PRPSAP2: variants seen among roughly 807,000 people sequenced by gnomAD.
PRPSAP2 encodes phosphoribosyl pyrophosphate synthetase associated protein 2.
A neutral mutation model predicts 40.6 loss-of-function variants in PRPSAP2; 24 were observed. The ratio of observed to expected loss-of-function variants is 0.59; its 90% confidence interval spans 0.43 to 0.83. PRPSAP2 has a LOEUF of 0.83. Among genes scored for constraint, PRPSAP2 ranks in the 40% least tolerant of loss-of-function variants. The pLI is 0.00. For missense variants in PRPSAP2, 292 were observed against 465.6 expected, an observed-to-expected ratio of 0.63 and a Z score of 3.43; for synonymous variants, 149 against 164.7, an observed-to-expected ratio of 0.90 and a Z score of 0.73.
intron 7 of PRPSAP2, among the ~76,000 whole-genome samples, chr17:18,884,321 T>C (rs2038978957): frequency 7.4e-6 from 1 of 135,126 alleles, no homozygotes; most frequent in Non-Finnish European, 1.6e-5. Context: ...TAATAGAGAC[T>C]TTAATTTTAC....
intron 6 of PRPSAP2, among the ~76,000 whole-genome samples, chr17:18,881,392 C>T (rs2038725713): frequency 6.6e-6 from 1 of 151,842 alleles, no homozygotes; most frequent in South Asian, 2.1e-4. Context: ...CACGTGCCAC[C>T]ATGCCTGGCT....
chr17:18,879,963 A>G (rs947751951), intron 6 of PRPSAP2, among the ~76,000 whole-genome samples: 2 of 151,834 alleles, frequency 1.3e-5, no homozygotes, highest in Non-Finnish European at 2.9e-5. Flanking sequence ...GGGTGTGGTG[A>G]CACATGCCTG....
intron 8 of PRPSAP2, among the ~76,000 whole-genome samples, chr17:18,909,360 G>T (rs1378951734): frequency 1.3e-5 from 2 of 150,122 alleles, no homozygotes; most frequent in South Asian, 2.1e-4. Context: ...TCCTGCCTCA[G>T]CCTCCTGAGT....
intron 10 of PRPSAP2, among the ~76,000 whole-genome samples, chr17:18,924,799 A>G (rs1233542490): frequency 6.7e-6 from 1 of 149,212 alleles, no homozygotes; most frequent in Non-Finnish European, 1.5e-5. Context: ...TCATCCTGTC[A>G]TAACATGAGA....
chr17:18,908,398 A>T lies in PRPSAP2; in HGVS notation c.585-2705A>T, dbSNP rs147484391. 205 of 763,602 alleles carry T rather than the reference A, an allele frequency of 2.7e-4. 3 individuals carry two copies. In the Admixed American group the frequency reaches 3.6e-3, roughly 13 times the overall value. 47.3% of individuals were successfully genotyped at this position (763,602 alleles called of 1,614,324 possible). ...AGCAAGAAATTAAAACACTGGAGGA[A>T]GATGAAGAACTTTTAAAAATGCAGA... On this transcript the variant is annotated intron_variant, in intron 8 of 11. Coordinates refer to ENST00000268835, the MANE Select transcript of PRPSAP2 (RefSeq NM_002767.4).
At chr17:18,895,210 T>C (rs1471760491) in intron 8 of PRPSAP2, among the ~76,000 whole-genome samples, 1 of 151,636 alleles carries the variant, frequency 6.6e-6, no homozygotes, top group East Asian at 1.9e-4. Context: ...TTCAGCCTCC[T>C]AAGTAGCTAG....
chr17:18,866,073 A>G, intron 3 of PRPSAP2, 121 bp downstream of exon 3: 37 of 690,428 alleles, frequency 5.4e-5, no homozygotes, highest in Non-Finnish European at 6.9e-5. Context: ...AAATAATTAT[A>G]TCTTTTTTTC....
chr17:18,899,683 C>T (rs570834296), intron 8 of PRPSAP2, among the ~76,000 whole-genome samples: 38 of 151,322 alleles, frequency 2.5e-4, no homozygotes, highest in Middle Eastern at 3.4e-3. Flanking sequence ...TGCATGCCAC[C>T]GTGTCTTGCG....
chr17:18,913,941 C>T (rs1268029433), intron 9 of PRPSAP2, among the ~76,000 whole-genome samples: 3 of 151,038 alleles, frequency 2.0e-5, no homozygotes, highest in African/African-American at 2.4e-5. Flanking sequence ...TTTGGGAGGC[C>T]GAGGCAGGTG....
intron 7 of PRPSAP2, among the ~76,000 whole-genome samples, chr17:18,886,359 C>CTTT (rs772700765): frequency 1.4e-5 from 2 of 143,848 alleles, no homozygotes; most frequent in African/African-American, 2.5e-5. Flanking sequence ...GCCATCTATA[C>CTTT]TTTTTTTTTT....
At chr17:18,883,019 A>G (rs2151910929) in intron 7 of PRPSAP2, among the ~76,000 whole-genome samples, 1 of 152,188 alleles carries the variant, frequency 6.6e-6, no homozygotes, top group South Asian at 2.1e-4. Flanking sequence ...CTGTCCATCC[A>G]GTTATAATAG....
chr17:18,917,281 C>G (rs1283491656), intron 9 of PRPSAP2, among the ~76,000 whole-genome samples: 1 of 151,792 alleles, frequency 6.6e-6, no homozygotes, highest in Non-Finnish European at 1.5e-5. Context: ...TGTGATTAAA[C>G]TCTTTTGTGA....
At chr17:18,920,443 A>C (rs2041630078) in intron 9 of PRPSAP2, among the ~76,000 whole-genome samples, 1 of 152,026 alleles carries the variant, frequency 6.6e-6, no homozygotes, top group Non-Finnish European at 1.5e-5. Flanking sequence ...TTCTATGTTT[A>C]TGTTTTGACT....
chr17:18,883,263 A>G (rs2038890950), intron 7 of PRPSAP2, among the ~76,000 whole-genome samples: 1 of 152,172 alleles, frequency 6.6e-6, no homozygotes, highest in Non-Finnish European at 1.5e-5. Context: ...CCTGGGATAA[A>G]TCAGATGTTT....
rs571156210 is a variant in PRPSAP2, at chr17:18,897,887, A to G, written c.584+8010A>G. Reference sequence around the variant, plus strand: ...TTTATCAGCCTGAGTGAAATATAGAAGTCATACCTCTCTGTGTCTCTTTAC... The same window carrying G: ...TTTATCAGCCTGAGTGAAATATAGAGGTCATACCTCTCTGTGTCTCTTTAC... On this transcript the variant is annotated intron_variant, in intron 8 of 11. Transcript: ENST00000268835. 9.9e-5 allele frequency among the ~76,000 whole-genome samples: 15 copies of G among 152,128 alleles called. No individual in the cohort carries two copies. In the East Asian group the frequency reaches 1.5e-3, roughly 16 times the overall value.
In PRPSAP2 at chr17:18,865,916, A is replaced by G; in HGVS notation, c.83A>G (p.Asn28Ser). 2 of 1,540,796 alleles carry G rather than the reference A, an allele frequency of 1.3e-6. No individual in the cohort carries two copies. Among genetic ancestry groups the G allele is most frequent in the Non-Finnish European group, 1.8e-6 (2 of 1,134,404 alleles). The change falls in exon 3 of 12, where the codon AAT becomes AGT. Residue 28 changes from asparagine (N) to serine (S), a missense_variant. Coordinates refer to ENST00000268835, the MANE Select transcript of PRPSAP2 (RefSeq NM_002767.4). ...CTGGTGTTGTTTTCAGCAAACTCGAATTCATCATGTATGGAGCTATCAAAG... is the reference window on the plus strand; with the variant it reads ...CTGGTGTTGTTTTCAGCAAACTCGAGTTCATCATGTATGGAGCTATCAAAG... Reference protein sequence around the residue: ...GGLVLFSANSNSSCMELSKKI... With the variant: ...GGLVLFSANSSSSCMELSKKI...
At chr17:18,928,334 C>T in intron 10 of PRPSAP2, 1 of 181,650 alleles carries the variant, frequency 5.5e-6, no homozygotes, top group South Asian at 1.2e-4. Flanking sequence ...AACATATTTC[C>T]CATATGCTCA....
rs2037364620 is a variant in PRPSAP2, at chr17:18,865,547, T to G, written c.-50T>G. 1 of 166,462 alleles carries G rather than the reference T, an allele frequency of 6.0e-6. No individual in the cohort carries two copies. Among genetic ancestry groups the G allele is most frequent in the Non-Finnish European group, 1.3e-5 (1 of 77,562 alleles). The allele number at this position is 166,462 out of a possible 1,614,324, so 10.3% of individuals were successfully genotyped here. A position where few individuals can be genotyped will look rare whatever the true frequency, so the allele number is the denominator to read the frequency against. ...CAGCAATCAGTAAAACATTGAGCTC[T>G]TCAGCTCCGCCTTTCTTGTAAGTTT... On this transcript the variant is annotated 5_prime_UTR_variant, in exon 2 of 12. Transcript: ENST00000268835.
At chr17:18,889,900 C>G (rs1188491432) in intron 8 of PRPSAP2, 23 bp downstream of exon 8, 3 of 1,601,378 alleles carry the variant, frequency 1.9e-6, no homozygotes, top group Middle Eastern at 3.3e-4. Flanking sequence ...CTCACAACCT[C>G]TTTCTGGATC....
Sources: gnomAD v4.1 joint callset for allele counts (sites outside exome capture counted in the v4.1 genomes callset) on GRCh38, gnomAD v4.1.1 for gene constraint, MANE v1.5 for transcripts, NCBI Gene and HGNC (gene_info 2026-07-23, HGNC 2026-07-21) for gene names.